TTN: variants seen among roughly 807,000 people sequenced by gnomAD.
The protein encoded by TTN is titin, also known as connectin.
A neutral mutation model predicts 3,223.0 loss-of-function variants in TTN; 1,525 were observed. The ratio of observed to expected loss-of-function variants is 0.47; its 90% CI spans 0.45 to 0.49. The LOEUF (loss-of-function observed/expected upper bound fraction) is 0.49. TTN is among the 20% of genes least tolerant of loss of function. TTN has a pLI of 0.00. For synonymous variants in TTN, 14,094 were observed against 15,161.0 expected (o/e 0.93, Z 5.17); for missense variants, 40,786 against 43,424.0 (o/e 0.94, Z 5.40).
At chr2:178,789,907 T>C (rs371397737) in intron 12 of TTN, 71 bp downstream of exon 12, 17 of 1,588,644 alleles carry the variant, frequency 1.1e-5, no homozygotes, top group African/African-American at 9.4e-5. Context: ...ATTCATACCA[T>C]ATTGTAGTTA....
chr2:178,735,110 G>T, intron 50 of TTN, 122 bp from the exon 51 acceptor site: 1 of 1,141,660 alleles, frequency 8.8e-7, no homozygotes, highest in Non-Finnish European at 1.2e-6. Context: ...CAAAATTTCT[G>T]TAAAAGCTGT....
rs377032183 is a variant in TTN, at chr2:178,702,109, T to C, written c.30512-43A>G. ...AATGATATTTTTGTGTTCAGAATGG[T>C]ATAGGTAGGCTACGTGTTTCGAAGA... On this transcript the variant is annotated intron_variant, in intron 108 of 362. Coordinates refer to ENST00000589042, the MANE Select transcript of TTN (RefSeq NM_001267550.2). 11 of 1,613,316 alleles carry C rather than the reference T, an allele frequency of 6.8e-6. No homozygotes were observed. The African/African-American group carries it at 1.5e-4, about 22-fold the overall frequency.
At chr2:178,592,682 A>G in intron 300 of TTN, 22 bp from the exon 301 acceptor site, 1 of 1,611,766 alleles carries the variant, frequency 6.2e-7, no homozygotes, top group East Asian at 2.2e-5. Flanking sequence ...AGAACAGAAC[A>G]CTCAGATTTG....
chr2:178,782,514 G>C (rs761817907), intron 19 of TTN, 25 bp downstream of exon 19: 12 of 1,613,662 alleles, frequency 7.4e-6, no homozygotes, highest in South Asian at 2.2e-5. Context: ...TACTAGAACA[G>C]CTACTAATTA....
At position 178,531,975 on chromosome 2, in the gene TTN, C is replaced by T. The variant is rs373134178; in HGVS notation, c.104640G>A (p.Glu34880=). 1.8e-4 allele frequency: 291 copies of T among 1,613,764 alleles called. No individual in the cohort carries two copies. The highest frequency in any genetic ancestry group is 3.3e-4 in the Middle Eastern group (2 of 6,062). ...DDTERRSPTP[E]RTRPRSPSPV... ...GGCTGGGGGATCGTGGGCGAGTTCT[C>T]TCTGGAGTAGGTGACCTTCTTTCTG... Residue 34880 remains glutamate, a synonymous_variant, in exon 358 of 363, where the codon GAG becomes GAA. Coordinates refer to ENST00000589042, the MANE Select transcript of TTN (RefSeq NM_001267550.2).
Position 178,770,693 on chromosome 2 carries a change from A to G in TTN, c.8117-18T>C. On this transcript the variant is annotated intron_variant, in intron 34 of 362. Coordinates refer to ENST00000589042, the MANE Select transcript of TTN (RefSeq NM_001267550.2). ...TTTGACAGCTAAAGACAAATTTATG[A>G]TTGGGTTAGAAAATATAGATGACAT... is the stretch of plus-strand genomic sequence containing the variant. 1 of 1,606,828 alleles carries G rather than the reference A, an allele frequency of 6.2e-7. No homozygotes were observed. Among genetic ancestry groups the G allele is most frequent in the South Asian group, 1.1e-5 (1 of 91,018 alleles).
chr2:178,758,327 A>G (rs930350976), intron 44 of TTN, among the ~76,000 whole-genome samples: 1 of 152,230 alleles, frequency 6.6e-6, no homozygotes, highest in African/African-American at 2.4e-5. Flanking sequence ...ATGTATTTGT[A>G]TGTACTTAAT....
At position 178,589,688 on chromosome 2, in the gene TTN, A is replaced by G. The variant is rs878956804; in HGVS notation, c.62037T>C (p.Asp20679=). 2 of 1,613,510 alleles carry G rather than the reference A, an allele frequency of 1.2e-6. No individual in the cohort carries two copies. Among genetic ancestry groups the G allele is most frequent in the Non-Finnish European group, 1.7e-6 (2 of 1,179,600 alleles). The part of the protein sequence containing the change: ...PGEPENLHIA[D]KGKTFVYLKW... ...TTAGATAGACAAATGTCTTTCCTTT[A>G]TCTGCAATGTGAAGGTTTTCAGGCT... is the stretch of plus-strand genomic sequence containing the variant. Residue 20679 remains aspartate (D), a synonymous_variant, in exon 304 of 363, where the codon GAT becomes GAC. Coordinates refer to ENST00000589042, the MANE Select transcript of TTN (RefSeq NM_001267550.2).
In TTN at chr2:178,693,658, T is replaced by C. The variant is rs749514783; in HGVS notation, c.31545A>G (p.Glu10515=). The change falls in exon 119 of 363, where the codon GAA becomes GAG. Residue 10515 remains glutamate (E), a synonymous_variant. Coordinates refer to ENST00000589042, the MANE Select transcript of TTN (RefSeq NM_001267550.2). ...VPEVQKEIVT[E]EKIHVAISKR... Reference sequence around the variant, plus strand: ...TGGAAATGGCAACGTGAATTTTCTCTTCAGTAACAATTTCCTTTTGTACCT... The same window carrying C: ...TGGAAATGGCAACGTGAATTTTCTCCTCAGTAACAATTTCCTTTTGTACCT... 1.2e-6 allele frequency: 2 copies of C among 1,601,206 alleles called. No individual in the cohort carries two copies. Among genetic ancestry groups the C allele is most frequent in the South Asian group, 2.2e-5 (2 of 88,964 alleles).
In TTN at chr2:178,649,262, ACTT is replaced by A. The variant is rs768778322; in HGVS notation, c.40040_40042del (p.Glu13347del). 8.7e-6 allele frequency: 13 copies of A among 1,500,320 alleles called. No homozygotes were observed. The South Asian group carries it at 1.5e-4, about 17-fold the overall frequency. 92.9% of individuals were successfully genotyped at this position (1,500,320 alleles called of 1,614,324 possible). On this transcript the variant is annotated inframe_deletion, in exon 213 of 363. Coordinates refer to ENST00000589042, the MANE Select transcript of TTN (RefSeq NM_001267550.2). Reference sequence around the variant, plus strand: ...ATGGTAGGTACCTTTTTCTGGAAGAACTTCTGGTTTTTTGGTAACAGGCACAGG... The same window carrying A: ...ATGGTAGGTACCTTTTTCTGGAAGAACTGGTTTTTTGGTAACAGGCACAGG...
In TTN at chr2:178,677,335, C is replaced by CATATATGTATAT. The variant is rs1553822034; in HGVS notation, c.34292-49_34292-48insATATACATATAT. On this transcript the variant is annotated intron_variant, in intron 146 of 362. Coordinates refer to ENST00000589042, the MANE Select transcript of TTN (RefSeq NM_001267550.2). ...GCATTAAAAACCACATATACATGGT[C>CATATATGTATAT]ATATATATATATATATATATATATA... 2.9e-5 allele frequency: 7 copies of CATATATGTATAT among 239,492 alleles called. 3 individuals are homozygous for CATATATGTATAT. In the African/African-American group the frequency reaches 3.1e-4, roughly 11 times the overall value. 14.8% of individuals were successfully genotyped at this position (239,492 alleles called of 1,614,324 possible).
Position 178,565,733 on chromosome 2 carries a change from A to T in TTN, c.80399T>A (p.Met26800Lys). The T allele has an allele frequency of 6.2e-7, 1 of 1,613,574 alleles. No individual in the cohort carries two copies. Among genetic ancestry groups the T allele is most frequent in the Non-Finnish European group, 8.5e-7 (1 of 1,179,624 alleles). ...GCCATCATGTTCAGGTTTCTCCCAC[A>T]TAAGTGATGCACTGGTCTGGGACAC... ...TDVSQTSASL[M>K]WEKPEHDGGS... Residue 26800 changes from methionine to lysine, a missense_variant, in exon 326 of 363, where the codon ATG becomes AAG. Transcript: ENST00000589042.
intron 234 of TTN, 48 bp downstream of exon 234, chr2:178,632,870 A>G (rs758053193): frequency 6.2e-7 from 1 of 1,611,572 alleles, no homozygotes; most frequent in Non-Finnish European, 8.5e-7. Flanking sequence ...GTGTATCAGG[A>G]AGTCTTGCAG....
chr2:178,725,575 T>A lies in TTN; in HGVS notation c.20629A>T (p.Ile6877Leu). Reference sequence around the variant, plus strand: ...ACAAAAATAGGCTGGGCGCCTTCTATGGATGCTTGTAATTCAGCAGGCTCT... The same window carrying A: ...ACAAAAATAGGCTGGGCGCCTTCTAAGGATGCTTGTAATTCAGCAGGCTCT... ...AGEPAELQASIEGAQPIFVQW... is the reference protein window; with the variant it reads ...AGEPAELQASLEGAQPIFVQW... Residue 6877 changes from isoleucine to leucine, a missense_variant, in exon 71 of 363, where the codon ATA (isoleucine) becomes TTA (leucine). Coordinates refer to ENST00000589042, the MANE Select transcript of TTN (RefSeq NM_001267550.2). 2.5e-6 allele frequency: 4 copies of A among 1,612,732 alleles called. No homozygotes were observed. The highest frequency in any genetic ancestry group is 3.4e-6 in the Non-Finnish European group (4 of 1,179,248).
rs1686709454 is a variant in TTN at position 178,527,081 on chromosome 2, A to G, written c.107907T>C (p.Tyr35969=). ...CAAATTCATTCCCTAAACTCAGGGT[A>G]TAAAGTCCACCATCTTGTTTCTGTA... ...MDVQKQDGGL[Y]TLSLGNEFGS... is the part of the protein sequence containing the mutation. The change falls in exon 363 of 363, where the codon TAT becomes TAC. Residue 35969 remains tyrosine, a synonymous_variant. Coordinates refer to ENST00000589042, the MANE Select transcript of TTN (RefSeq NM_001267550.2). The G allele has an allele frequency of 1.2e-6, 2 of 1,613,888 alleles. No homozygotes were observed. Among genetic ancestry groups the G allele is most frequent in the Non-Finnish European group, 1.7e-6 (2 of 1,179,896 alleles).
At position 178,630,911 on chromosome 2, in the gene TTN, T is replaced by C; in HGVS notation, c.44047A>G (p.Ser14683Gly). 6.2e-7 allele frequency: 1 copy of C among 1,612,532 alleles called. No individual in the cohort carries two copies. The highest frequency in any genetic ancestry group is 2.2e-5 in the East Asian group (1 of 44,690). ...REIKLVRPLH[S>G]VEVMETETAR... ...GTCTCAGTCTCCATCACCTCCACAC[T>C]GTGCAGGGGTCGCACCAGTTTAATT... Residue 14683 changes from serine (S) to glycine (G), a missense_variant, in exon 238 of 363, where the codon AGT (serine) becomes GGT (glycine). Ser to Gly is a moderately conservative substitution (Grantham distance 56). Coordinates refer to ENST00000589042, the MANE Select transcript of TTN (RefSeq NM_001267550.2).
At chr2:178,600,163 T>C (rs978135591) in intron 288 of TTN, among the ~76,000 whole-genome samples, 2 of 152,038 alleles carry the variant, frequency 1.3e-5, no homozygotes, top group African/African-American at 2.4e-5. Context: ...GAGGAGATTG[T>C]AGTAGGAGAG....
At position 178,775,374 on chromosome 2, in the gene TTN, C is replaced by A; in HGVS notation, c.6490G>T (p.Ala2164Ser). The A allele has an allele frequency of 6.2e-7, 1 of 1,613,988 alleles. No individual in the cohort carries two copies. Among genetic ancestry groups the A allele is most frequent in the Non-Finnish European group, 8.5e-7 (1 of 1,179,990 alleles). Residue 2164 changes from alanine (A) to serine (S), a missense_variant, in exon 28 of 363, where the codon GCA becomes TCA. By Grantham distance (99) the Ala-to-Ser change is moderately conservative. Transcript: ENST00000589042. Reference sequence around the variant, plus strand: ...AAATTACCTTGGACAAGTAAGAATGCGTGACTGGAGGTTTCTCCAGCTATG... The same window carrying A: ...AAATTACCTTGGACAAGTAAGAATGAGTGACTGGAGGTTTCTCCAGCTATG... Reference protein sequence around the residue: ...INIAGETSSHAFLLVQAKQLI... With the variant: ...INIAGETSSHSFLLVQAKQLI...
Position 178,724,330 on chromosome 2 carries a change from T to C in TTN, c.21045A>G (p.Ala7015=), listed in dbSNP as rs72648961. The change falls in exon 72 of 363, where the codon GCA becomes GCG. Residue 7015 remains alanine, a synonymous_variant. Coordinates refer to ENST00000589042, the MANE Select transcript of TTN (RefSeq NM_001267550.2). ...LRILSVERQD[A]GTYTFQVQNN... Reference sequence around the variant, plus strand: ...TTTGAACCTGGAAAGTGTATGTGCCTGCATCTTGCCTTTCAACTGAGAGAA... The same window carrying C: ...TTTGAACCTGGAAAGTGTATGTGCCCGCATCTTGCCTTTCAACTGAGAGAA... The C allele has an allele frequency of 3.1e-6, 5 of 1,613,596 alleles. No individual in the cohort carries two copies. In the South Asian group the frequency reaches 4.4e-5, roughly 14 times the overall value.
Sources: allele counts gnomAD v4.1 joint callset (sites outside exome capture counted in the v4.1 genomes callset), GRCh38; gene constraint gnomAD v4.1.1; transcripts MANE v1.5; gene names NCBI Gene and HGNC (gene_info 2026-07-23, HGNC 2026-07-21).